C1orf21: variants seen among roughly 807,000 people sequenced by gnomAD.
C1orf21 encodes the protein uncharacterized protein C1orf21.
Under a neutral mutation model 18.7 loss-of-function variants are expected in C1orf21, and 3 were observed. The ratio of observed to expected loss-of-function variants is 0.16; its 90% confidence interval spans 0.07 to 0.42. The LOEUF is 0.42. C1orf21 is among the 10% of genes least tolerant of loss of function. C1orf21 has a pLI of 0.99. For synonymous variants in C1orf21, 41 were observed against 46.4 expected, an observed-to-expected ratio of 0.88 and a Z score of 0.47; for missense variants, 104 against 143.6, an observed-to-expected ratio of 0.72 and a Z score of 1.41.
chr1:184,423,957 G>A (rs12128424), intron 1 of C1orf21, among the ~76,000 whole-genome samples: 10,749 of 152,046 alleles, frequency 0.071, 519 homozygotes, highest in African/African-American at 0.14. Flanking sequence ...TGCTGGCAAC[G>A]TAAAGTTTAA....
intron 1 of C1orf21, among the ~76,000 whole-genome samples, chr1:184,445,369 TC>T (rs1440555717): frequency 6.6e-6 from 1 of 151,894 alleles, no homozygotes. Flanking sequence ...TCTCTCTCTC[TC>T]TCTCGCAAGG....
intron 1 of C1orf21, among the ~76,000 whole-genome samples, chr1:184,392,210 C>T (rs1210207479): frequency 2.0e-5 from 3 of 152,170 alleles, no homozygotes; most frequent in South Asian, 2.1e-4. Context: ...TCTCATTTGA[C>T]GTTTGGCTGC....
chr1:184,550,869 A>G (rs894204332), intron 3 of C1orf21, among the ~76,000 whole-genome samples: 7 of 152,088 alleles, frequency 4.6e-5, no homozygotes, highest in African/African-American at 1.7e-4. Context: ...GATTTCCTGG[A>G]CTTGGTTAAG....
intron 1 of C1orf21, among the ~76,000 whole-genome samples, chr1:184,397,613 T>C (rs774829307): frequency 1.3e-5 from 2 of 152,244 alleles, no homozygotes; most frequent in Non-Finnish European, 2.9e-5. Flanking sequence ...ACTGTATGGC[T>C]ACTTAGCATT....
intron 1 of C1orf21, among the ~76,000 whole-genome samples, chr1:184,452,333 C>T (rs1245233238): frequency 6.6e-6 from 1 of 152,162 alleles, no homozygotes; most frequent in Non-Finnish European, 1.5e-5. Context: ...CACAATTTCT[C>T]TTCATTGCAG....
intron 1 of C1orf21, among the ~76,000 whole-genome samples, chr1:184,416,519 T>TCTTTGGACTGTTTC: frequency 6.6e-6 from 1 of 152,224 alleles, no homozygotes; most frequent in Admixed American, 6.5e-5. Context: ...TTGCTTAAAA[T>TCTTTGGACTGTTTC]TAAAAAAAAG....
chr1:184,423,712 T>G (rs1656583757), intron 1 of C1orf21, among the ~76,000 whole-genome samples: 1 of 152,188 alleles, frequency 6.6e-6, no homozygotes, highest in African/African-American at 2.4e-5. Flanking sequence ...CACTTCTTCC[T>G]TAAGCAGCTC....
intron 4 of C1orf21, among the ~76,000 whole-genome samples, chr1:184,596,850 G>A (rs1239179663): frequency 4.8e-5 from 7 of 146,476 alleles, no homozygotes; most frequent in African/African-American, 1.5e-4. Context: ...CAGCCTGGGC[G>A]AAAGTGCGAG....
intron 3 of C1orf21, among the ~76,000 whole-genome samples, chr1:184,515,384 C>G (rs556882507): frequency 2.0e-5 from 3 of 152,232 alleles, no homozygotes; most frequent in Admixed American, 2.0e-4. Flanking sequence ...GACATTTTCT[C>G]TTTATCTGAC....
At chr1:184,584,804 A>G (rs1659330413) in intron 3 of C1orf21, among the ~76,000 whole-genome samples, 1 of 152,258 alleles carries the variant, frequency 6.6e-6, no homozygotes. Context: ...TGCCAAGTGA[A>G]AAATGCTGGG....
At chr1:184,426,009 C>A (rs1202500178) in intron 1 of C1orf21, among the ~76,000 whole-genome samples, 1 of 152,216 alleles carries the variant, frequency 6.6e-6, no homozygotes, top group African/African-American at 2.4e-5. Flanking sequence ...GCCATCCCAC[C>A]CAGATTTATG....
chr1:184,603,896 G>A (rs996959109), intron 5 of C1orf21, among the ~76,000 whole-genome samples: 22 of 152,246 alleles, frequency 1.4e-4, no homozygotes, highest in African/African-American at 5.1e-4. Context: ...AGTTCTTGAA[G>A]TGGCATTATT....
chr1:184,452,726 A>C (rs1458008793), intron 1 of C1orf21, among the ~76,000 whole-genome samples: 1 of 152,200 alleles, frequency 6.6e-6, no homozygotes, highest in Non-Finnish European at 1.5e-5. Flanking sequence ...GTATTACACA[A>C]AATTGTTGTA....
intron 3 of C1orf21, among the ~76,000 whole-genome samples, chr1:184,580,595 T>C (rs1659262178): frequency 6.6e-6 from 1 of 152,272 alleles, no homozygotes; most frequent in Admixed American, 6.5e-5. Flanking sequence ...CCCTTCTTAA[T>C]ATGAATTATC....
chr1:184,567,291 G>T, intron 3 of C1orf21: 1 of 468,042 alleles, frequency 2.1e-6, no homozygotes. Flanking sequence ...TTCATTAAAG[G>T]TCCTGGAGCA....
chr1:184,451,199 A>G (rs1657114864), intron 1 of C1orf21, among the ~76,000 whole-genome samples: 1 of 152,100 alleles, frequency 6.6e-6, no homozygotes, highest in Admixed American at 6.6e-5. Flanking sequence ...TTTTAAGCCT[A>G]TGATTTTTTT....
At chr1:184,414,402 A>G (rs994133820) in intron 1 of C1orf21, among the ~76,000 whole-genome samples, 8 of 152,112 alleles carry the variant, frequency 5.3e-5, no homozygotes, top group East Asian at 1.9e-4. Flanking sequence ...GTGTGAGATG[A>G]TAGGTGTAAG....
At chr1:184,392,640 C>T (rs1333044703) in intron 1 of C1orf21, among the ~76,000 whole-genome samples, 2 of 152,110 alleles carry the variant, frequency 1.3e-5, no homozygotes, top group Non-Finnish European at 2.9e-5. Context: ...CCTGTTAGTG[C>T]ACTGAGCCCA....
In C1orf21 at chr1:184,520,327, G is replaced by C. The variant is rs527765495; in HGVS notation, c.189+12645G>C. ...TAATTTTAGGCAAATACTTCTTTTA[G>C]AATTTTTACAGTTGAGTGCATAAAA... On this transcript the variant is annotated intron_variant, in intron 3 of 5. Transcript: ENST00000235307. 2.3e-3 allele frequency among the ~76,000 whole-genome samples: 349 copies of C among 152,216 alleles called. 1 individual carries two copies. The highest frequency in any genetic ancestry group is 8.1e-3 in the African/African-American group (337 of 41,520).
Sources: allele counts gnomAD v4.1 joint callset (sites outside exome capture counted in the v4.1 genomes callset), GRCh38; gene constraint gnomAD v4.1.1; transcripts MANE v1.5; gene names NCBI Gene and HGNC (gene_info 2026-07-23, HGNC 2026-07-21).